ABCC4: variants seen among roughly 807,000 people sequenced by gnomAD.
ABCC4 encodes the protein ATP-binding cassette sub-family C member 4.
ABCC4 carries 102 observed loss-of-function variants against 168.5 expected under a neutral mutation model. The ratio of observed to expected loss-of-function variants is 0.61; its 90% CI spans 0.52 to 0.71. The LOEUF (loss-of-function observed/expected upper bound fraction) is 0.71, where lower values mean the gene tolerates loss of function less well. Ranked by LOEUF, ABCC4 falls within the 30% of genes least tolerant of loss-of-function variation. The probability of loss-of-function intolerance (pLI) is 0.00; values close to 1 mark genes in which losing one functional copy is unlikely to be tolerated. For synonymous variants in ABCC4, 617 were observed against 590.7 expected (o/e 1.04, Z -0.65); for missense variants, 1,402 against 1,605.8 (o/e 0.87, Z 2.17).
intron 19 of ABCC4, among the ~76,000 whole-genome samples, chr13:95,130,444 G>C (rs930250953): frequency 7.2e-5 from 11 of 152,154 alleles, no homozygotes; most frequent in African/African-American, 2.7e-4. Context: ...TTACTGCACT[G>C]TGTGTATTTA....
Position 95,054,020 on chromosome 13 carries a change from CCT to C in ABCC4, c.3367-838_3367-837del, listed in dbSNP as rs202011622. 150 of 73,178 alleles carry C rather than the reference CCT, an allele frequency of 2.0e-3. 11 individuals are homozygous for C. Among genetic ancestry groups the C allele is most frequent in the Non-Finnish European group, 2.5e-3 (104 of 41,460 alleles). The allele number at this position is 73,178 out of a possible 1,614,324, so 4.5% of individuals were successfully genotyped here. A position where few individuals can be genotyped will look rare whatever the true frequency, so the allele number is the denominator to read the frequency against. On this transcript the variant is annotated intron_variant, in intron 26 of 30. Transcript: ENST00000645237. The stretch of plus-strand genomic sequence containing the variant: ...TCTCTCCAATGTCAGAATGGGACAT[CCT>C]TTTTTTTTTTTTTTTTTTTTTTTTT...
intron 27 of ABCC4, among the ~76,000 whole-genome samples, chr13:95,047,476 C>CTTTTTTTTTTTTTTTT (rs71111586): frequency 1.2e-5 from 1 of 83,370 alleles, no homozygotes; most frequent in Non-Finnish European, 2.1e-5. Context: ...ACTGCCTATT[C>CTTTTTTTTTTTTTTTT]TTTTTTTTTT....
In ABCC4 at chr13:95,186,817, A is replaced by G; in HGVS notation, c.1429T>C (p.Tyr477His). The G allele has an allele frequency of 6.2e-7, 1 of 1,614,174 alleles. No homozygotes were observed. The highest frequency in any genetic ancestry group is 8.5e-7 in the Non-Finnish European group (1 of 1,180,022). Residue 477 changes from tyrosine (Y) to histidine (H), a missense_variant, in exon 11 of 31, where the codon TAT becomes CAT. Tyr to His is a moderately conservative substitution (Grantham distance 83). Coordinates refer to ENST00000645237, the MANE Select transcript of ABCC4 (RefSeq NM_005845.5). ...GLVSVHGRIA[Y>H]VSQQPWVFSG... ...AACACCCAGGGCTGCTGAGACACAT[A>G]GGCAATTCTTCCATGCACGCTGACC...
At chr13:95,267,405 G>C (rs1299326868) in intron 1 of ABCC4, among the ~76,000 whole-genome samples, 5 of 152,178 alleles carry the variant, frequency 3.3e-5, no homozygotes, top group Admixed American at 2.6e-4. Flanking sequence ...AGGATTGTGA[G>C]GCCTCCCCAG....
rs540184722 is a variant in ABCC4, at chr13:95,025,149, G to T, written c.3871-3467C>A. ...CTAAGGAGGAAGAAAGGCAAAACATGCACTCTCAATTTCACATACACACAC... is the reference window on the plus strand; with the variant it reads ...CTAAGGAGGAAGAAAGGCAAAACATTCACTCTCAATTTCACATACACACAC... On this transcript the variant is annotated intron_variant, in intron 30 of 30. Coordinates refer to ENST00000645237, the MANE Select transcript of ABCC4 (RefSeq NM_005845.5). Among the ~76,000 whole-genome samples the T allele has an allele frequency of 9.5e-5, 14 of 146,796 alleles. No homozygotes were observed. In the East Asian group the frequency reaches 2.8e-3, roughly 30 times the overall value.
Position 95,218,969 on chromosome 13 carries a change from GA to G in ABCC4, c.532-8189del, listed in dbSNP as rs1566539731. On this transcript the variant is annotated intron_variant, in intron 4 of 30. Coordinates refer to ENST00000645237, the MANE Select transcript of ABCC4 (RefSeq NM_005845.5). ...AGAAAGAAAGAAAGAAAGAAAGAAA[GA>G]AAGAAAGAAAGAAAGAGTGAGAAAG... Among the ~76,000 whole-genome samples the G allele has an allele frequency of 6.7e-3, 250 of 37,394 alleles. 26 individuals carry two copies. In the East Asian group the frequency reaches 0.073, roughly 11 times the overall value. 24.5% of individuals were successfully genotyped at this position (37,394 alleles called of 152,430 possible).
intron 21 of ABCC4, among the ~76,000 whole-genome samples, chr13:95,078,861 G>C (rs1053188169): frequency 6.6e-6 from 1 of 152,104 alleles, no homozygotes; most frequent in African/African-American, 2.4e-5. Context: ...GTCCTGGAAT[G>C]AAATTCTTCA....
intron 8 of ABCC4, among the ~76,000 whole-genome samples, chr13:95,202,314 A>G (rs1002926665): frequency 6.6e-6 from 1 of 152,162 alleles, no homozygotes; most frequent in African/African-American, 2.4e-5. Context: ...GCGTGAGACA[A>G]TTTTATCAAT....
chr13:95,274,801 G>C (rs1714907421), intron 1 of ABCC4, among the ~76,000 whole-genome samples: 1 of 152,308 alleles, frequency 6.6e-6, no homozygotes, highest in South Asian at 2.1e-4. Context: ...AATAAGCCAG[G>C]CATGGTGGCT....
chr13:95,133,076 T>TA (rs1286430237), intron 19 of ABCC4, among the ~76,000 whole-genome samples: 2 of 151,892 alleles, frequency 1.3e-5, no homozygotes, highest in African/African-American at 4.8e-5. Flanking sequence ...TGGCAAATCT[T>TA]ACGTTAGGTG....
intron 27 of ABCC4, among the ~76,000 whole-genome samples, chr13:95,052,108 G>A (rs2032869233): frequency 6.6e-6 from 1 of 152,130 alleles, no homozygotes; most frequent in Admixed American, 6.5e-5. Context: ...AGCCTCCTGA[G>A]TAGCTGGGAC....
chr13:95,078,334 C>T (rs955877465), intron 21 of ABCC4, among the ~76,000 whole-genome samples: 6 of 152,114 alleles, frequency 3.9e-5, no homozygotes, highest in African/African-American at 1.4e-4. Context: ...ATTGCTTGAA[C>T]TCGGGAGGTG....
In ABCC4 at chr13:95,227,278, G is replaced by T. The variant is rs150606316; in HGVS notation, c.531+7332C>A. ...ACTCCAAGCTATGGAAAGTTAACTT[G>T]GCTCCTCTTAAGCTATTCCCTAGCA... is the stretch of plus-strand genomic sequence containing the variant. On this transcript the variant is annotated intron_variant, in intron 4 of 30. Coordinates refer to ENST00000645237, the MANE Select transcript of ABCC4 (RefSeq NM_005845.5). Among the ~76,000 whole-genome samples the T allele has an allele frequency of 2.3e-3, 356 of 152,244 alleles. 18 individuals carry two copies. The East Asian group carries it at 0.064, about 27-fold the overall frequency.
Position 95,301,262 on chromosome 13 carries a change from A to G in ABCC4, c.53T>C (p.Leu18Pro). 6.3e-7 allele frequency: 1 copy of G among 1,594,330 alleles called. No individual in the cohort carries two copies. The highest frequency in any genetic ancestry group is 1.7e-5 in the Admixed American group (1 of 58,020). Residue 18 changes from leucine (L) to proline (P), a missense_variant, in exon 1 of 31, where the codon CTC becomes CCC. Around this residue, in one of 3 missense-constraint regions of ABCC4, gnomAD observed 317 missense variants for 345.5 expected, o/e 0.92. Transcript: ENST00000645237. ...VKPNPLQDAN[L>P]CSRVFFWWLN... ...TCACCAGAAGAACACGCGTGAGCAG[A>G]GGTTCGCGTCCTGCAGCGGGTTGGG...
intron 9 of ABCC4, among the ~76,000 whole-genome samples, chr13:95,193,707 T>C (rs906106368): frequency 6.6e-6 from 1 of 152,204 alleles, no homozygotes; most frequent in Admixed American, 6.5e-5. Context: ...AAACAGTTTT[T>C]CAGTCACCAT....
chr13:95,049,369 C>T (rs185724598), intron 27 of ABCC4, among the ~76,000 whole-genome samples: 254 of 146,990 alleles, frequency 1.7e-3, no homozygotes, highest in African/African-American at 3.9e-3. Flanking sequence ...AGGCCAGGCG[C>T]GGTGGCTCAC....
chr13:95,034,212 C>G (rs1269456622), intron 30 of ABCC4, among the ~76,000 whole-genome samples: 2 of 152,170 alleles, frequency 1.3e-5, no homozygotes, highest in Non-Finnish European at 2.9e-5. Flanking sequence ...CCTGTATGTA[C>G]CTCAACAGCA....
At chr13:95,211,404 C>G (rs2038953038) in intron 4 of ABCC4, among the ~76,000 whole-genome samples, 1 of 152,080 alleles carries the variant, frequency 6.6e-6, no homozygotes, top group South Asian at 2.1e-4. Flanking sequence ...GGGGACAGTT[C>G]GAACTGAGGG....
chr13:95,151,511 G>T (rs1216440524), intron 19 of ABCC4, among the ~76,000 whole-genome samples: 12 of 144,098 alleles, frequency 8.3e-5, no homozygotes, highest in Non-Finnish European at 1.7e-4. Context: ...AGAACAAAGA[G>T]GAAAGAAGGA....
Sources: allele counts gnomAD v4.1 joint callset (sites outside exome capture counted in the v4.1 genomes callset), GRCh38; gene constraint gnomAD v4.1.1; regional missense constraint gnomAD v4.1.1; transcripts MANE v1.5; gene names NCBI Gene and HGNC (gene_info 2026-07-23, HGNC 2026-07-21).